KLHL7: variants seen among roughly 807,000 people sequenced by gnomAD.
The protein encoded by KLHL7 is kelch-like protein 7.
Under a neutral mutation model 67.4 loss-of-function variants are expected in KLHL7, and 44 were observed. The observed-to-expected ratio is 0.65, with a 90% confidence interval of 0.51 to 0.84. KLHL7 has a LOEUF of 0.84. Ranked by LOEUF, KLHL7 falls within the 40% of genes least tolerant of loss-of-function variation. The pLI, the probability that KLHL7 is intolerant of heterozygous loss-of-function variation, is 0.00. For missense variants in KLHL7, 362 were observed against 718.1 expected (o/e 0.50, Z 5.67); for synonymous variants, 252 against 243.3 (o/e 1.04, Z -0.33).
chr7:23,121,163 G>A (rs968527912), intron 1 of KLHL7, among the ~76,000 whole-genome samples: 4 of 152,154 alleles, frequency 2.6e-5, no homozygotes, highest in Non-Finnish European at 5.9e-5. Flanking sequence ...TGAAAGACAA[G>A]ATTTCATTCT....
chr7:23,158,434 A>G (rs1462289773), intron 7 of KLHL7, among the ~76,000 whole-genome samples: 3 of 152,178 alleles, frequency 2.0e-5, no homozygotes, highest in Non-Finnish European at 4.4e-5. Flanking sequence ...GTAATTGTTC[A>G]TATGTTGACC....
chr7:23,126,682 A>G (rs1783586062), intron 4 of KLHL7, among the ~76,000 whole-genome samples: 2 of 152,052 alleles, frequency 1.3e-5, no homozygotes, highest in Non-Finnish European at 2.9e-5. Context: ...CTTCCTGCAT[A>G]CCCCCTCACT....
intron 10 of KLHL7, 107 bp from the exon 11 acceptor site, chr7:23,173,908 C>T: frequency 8.8e-7 from 1 of 1,142,420 alleles, no homozygotes; most frequent in South Asian, 1.3e-5. Context: ...GTGTGTTTGA[C>T]ATTTTTCACA....
chr7:23,118,142 G>A (rs1479470581), intron 1 of KLHL7, among the ~76,000 whole-genome samples: 1 of 152,218 alleles, frequency 6.6e-6, no homozygotes, highest in African/African-American at 2.4e-5. Context: ...ACTTGATAGA[G>A]AGCAAAAGGT....
chr7:23,124,922 T>G, intron 3 of KLHL7, 126 bp from the exon 4 acceptor site: 1 of 1,095,750 alleles, frequency 9.1e-7, no homozygotes, highest in Non-Finnish European at 1.4e-6. Flanking sequence ...TCCTATGCCA[T>G]ACTAATTCAA....
At chr7:23,139,690 GA>G (rs764130875) in intron 4 of KLHL7, among the ~76,000 whole-genome samples, 154 of 152,154 alleles carry the variant, frequency 1.0e-3, no homozygotes, top group Non-Finnish European at 2.0e-3. Context: ...TTGAAACATG[GA>G]AAAACAGATA....
chr7:23,132,025 A>G (rs887847421), intron 4 of KLHL7, among the ~76,000 whole-genome samples: 1 of 152,124 alleles, frequency 6.6e-6, no homozygotes, highest in African/African-American at 2.4e-5. Context: ...TTGTGTATAT[A>G]TACCACAGTT....
chr7:23,173,839 A>G (rs879726430), intron 10 of KLHL7, among the ~76,000 whole-genome samples, 176 bp from the exon 11 acceptor site: 1 of 152,220 alleles, frequency 6.6e-6, no homozygotes, highest in East Asian at 1.9e-4. Context: ...TTGTGTTAAG[A>G]GTAAGAATTT....
chr7:23,159,990 A>G (rs1199897024), intron 7 of KLHL7, among the ~76,000 whole-genome samples: 4 of 152,054 alleles, frequency 2.6e-5, no homozygotes, highest in African/African-American at 9.7e-5. Flanking sequence ...TAATCTTCCC[A>G]TATTTAAATA....
intron 1 of KLHL7, among the ~76,000 whole-genome samples, chr7:23,121,978 G>C (rs1224826943): frequency 6.6e-6 from 1 of 152,040 alleles, no homozygotes; most frequent in African/African-American, 2.4e-5. Context: ...CGCTGCACCC[G>C]GCAGTCCCAT....
chr7:23,107,399 A>C (rs1441399732), intron 1 of KLHL7, among the ~76,000 whole-genome samples: 1 of 152,224 alleles, frequency 6.6e-6, no homozygotes, highest in Non-Finnish European at 1.5e-5. Flanking sequence ...GTAGTTGAAC[A>C]TAGTTAACCA....
Position 23,174,560 on chromosome 7 carries a change from G to C in KLHL7, c.*262G>C. The C allele has an allele frequency of 1.7e-6, 1 of 589,386 alleles. No individual in the cohort carries two copies. Among genetic ancestry groups the C allele is most frequent in the South Asian group, 1.5e-5 (1 of 65,750 alleles). 36.5% of individuals were successfully genotyped at this position (589,386 alleles called of 1,614,324 possible). The stretch of plus-strand genomic sequence containing the variant: ...CATTTGTTAAAAATGTGAATTTCTT[G>C]AATGAATTTCACATTTGTAACTATG... On this transcript the variant is annotated 3_prime_UTR_variant, in exon 11 of 11. Coordinates refer to ENST00000339077, the MANE Select transcript of KLHL7 (RefSeq NM_001031710.3).
At chr7:23,160,848 C>T (rs1247989425) in intron 7 of KLHL7, among the ~76,000 whole-genome samples, 1 of 152,116 alleles carries the variant, frequency 6.6e-6, no homozygotes. Flanking sequence ...TTGACATGAT[C>T]AAGTGTTTGC....
Position 23,176,318 on chromosome 7 carries a change from G to A in KLHL7, c.*2020G>A, listed in dbSNP as rs1423778531. ...AGCAATCCTCAGCATTCTTTGGCTT[G>A]TAGCTGCAGCACTTCAGTCTCTGTC... On this transcript the variant is annotated 3_prime_UTR_variant, in exon 11 of 11. Transcript: ENST00000339077. 2 of 152,366 alleles carry A rather than the reference G, an allele frequency of 1.3e-5. No homozygotes were observed. The highest frequency in any genetic ancestry group is 6.5e-5 in the Admixed American group (1 of 15,280). 9.4% of individuals were successfully genotyped at this position (152,366 alleles called of 1,614,324 possible). A position where few individuals can be genotyped will look rare whatever the true frequency, so the allele number is the denominator to read the frequency against.
At chr7:23,106,495 G>T in intron 1 of KLHL7, 1 of 1,158,212 alleles carries the variant, frequency 8.6e-7, no homozygotes, top group Non-Finnish European at 1.1e-6. Context: ...TTAAGGTGCC[G>T]TGAGATCTTG....
intron 7 of KLHL7, among the ~76,000 whole-genome samples, chr7:23,165,354 T>A (rs1391872800): frequency 2.0e-5 from 3 of 152,180 alleles, no homozygotes; most frequent in Non-Finnish European, 2.9e-5. Context: ...AAAGCTTTTT[T>A]AAAAAATAAA....
chr7:23,161,221 C>T (rs1474114588), intron 7 of KLHL7, among the ~76,000 whole-genome samples: 2 of 152,156 alleles, frequency 1.3e-5, no homozygotes, highest in Non-Finnish European at 2.9e-5. Context: ...TAGTGAACAT[C>T]ATTTCAGTCC....
rs185341147 is a variant in KLHL7, at chr7:23,149,945, A to G, written c.794-2122A>G. Among the ~76,000 whole-genome samples the G allele has an allele frequency of 2.6e-4, 40 of 152,302 alleles. 1 individual carries two copies. In the East Asian group the frequency reaches 7.1e-3, roughly 27 times the overall value. ...TTCTCCAAATGAGTTTTCTTTCTCT[A>G]TCCTTTTAATAAAGACCCAACATAG... On this transcript the variant is annotated intron_variant, in intron 6 of 10. Transcript: ENST00000339077.
intron 4 of KLHL7, among the ~76,000 whole-genome samples, chr7:23,131,469 T>C (rs1422296274): frequency 1.3e-5 from 2 of 152,198 alleles, no homozygotes; most frequent in Admixed American, 6.5e-5. Context: ...TTATAAAACT[T>C]TCCTTAATGC....
Sources: allele counts gnomAD v4.1 joint callset (sites outside exome capture counted in the v4.1 genomes callset), GRCh38; gene constraint gnomAD v4.1.1; transcripts MANE v1.5; gene names NCBI Gene and HGNC (gene_info 2026-07-23, HGNC 2026-07-21).